FAM3D: variants seen among roughly 807,000 people sequenced by gnomAD.
The protein encoded by FAM3D is protein FAM3D.
FAM3D carries 26 observed loss-of-function variants against 29.8 expected under a neutral mutation model. The observed-to-expected ratio is 0.87, with a 90% CI of 0.64 to 1.21. The LOEUF is 1.21. FAM3D is among the 50% of genes most tolerant of loss of function. The probability of loss-of-function intolerance (pLI) is 0.00; values close to 1 mark genes in which losing one functional copy is unlikely to be tolerated. For missense variants in FAM3D, 253 were observed against 290.9 expected, an observed-to-expected ratio of 0.87 and a Z score of 0.95; for synonymous variants, 115 against 102.3, an observed-to-expected ratio of 1.12 and a Z score of -0.75.
At position 58,657,148 on chromosome 3, in the gene FAM3D, T is replaced by C. The variant is rs528329942; in HGVS notation, c.-38-1547A>G. 1.2e-4 allele frequency among the ~76,000 whole-genome samples: 19 copies of C among 152,266 alleles called. No individual in the cohort carries two copies. In the South Asian group the frequency reaches 3.7e-3, roughly 30 times the overall value. ...TCACGACTACGCTTTGGATGCGACCTACAGTCCAGGAACCTAGGTTCTTGG... is the reference window on the plus strand; with the variant it reads ...TCACGACTACGCTTTGGATGCGACCCACAGTCCAGGAACCTAGGTTCTTGG... On this transcript the variant is annotated intron_variant, in intron 1 of 9. Coordinates refer to ENST00000358781, the MANE Select transcript of FAM3D (RefSeq NM_138805.3).
At chr3:58,643,546 G>C in intron 6 of FAM3D, 116 bp downstream of exon 6, 2 of 1,121,466 alleles carry the variant, frequency 1.8e-6, no homozygotes, top group Non-Finnish European at 2.7e-6. Flanking sequence ...TGAGCTCTAC[G>C]GGCATTCCTG....
chr3:58,663,300 T>C (rs1477959683), intron 1 of FAM3D, among the ~76,000 whole-genome samples: 1 of 152,166 alleles, frequency 6.6e-6, no homozygotes, highest in Admixed American at 6.5e-5. Flanking sequence ...TATGTATATC[T>C]TTGCCACCAC....
chr3:58,652,862 GTCCATCCA>G (rs745543889), intron 3 of FAM3D, among the ~76,000 whole-genome samples: 46 of 145,924 alleles, frequency 3.2e-4, no homozygotes, highest in East Asian at 2.9e-3. Context: ...CCATCCATCT[GTCCATCCA>G]TCCATCCATC....
rs1234051839 is a variant in FAM3D, at chr3:58,654,651, C to T, written c.14-870G>A. Among the ~76,000 whole-genome samples the T allele has an allele frequency of 4.6e-5, 7 of 152,172 alleles. No homozygotes were observed. The East Asian group carries it at 1.2e-3, about 25-fold the overall frequency. The stretch of plus-strand genomic sequence containing the variant: ...TCTGCTCTGACTCTTGAGGCACAGG[C>T]CCAGCTGTGGCACCCCTCCCTCTGA... On this transcript the variant is annotated intron_variant, in intron 2 of 9. Transcript: ENST00000358781.
chr3:58,659,986 G>T (rs527812854), intron 1 of FAM3D, among the ~76,000 whole-genome samples: 25 of 152,286 alleles, frequency 1.6e-4, no homozygotes, highest in African/African-American at 6.0e-4. Flanking sequence ...TTCCTCTTCA[G>T]GCTCCTTTCT....
chr3:58,637,647 C>G (rs959354219), intron 7 of FAM3D, among the ~76,000 whole-genome samples: 1 of 152,086 alleles, frequency 6.6e-6, no homozygotes, highest in Non-Finnish European at 1.5e-5. Flanking sequence ...TCTGTGCTGA[C>G]TTTAGGTGGT....
chr3:58,647,760 T>C (rs2106826246), intron 4 of FAM3D, among the ~76,000 whole-genome samples: 1 of 152,302 alleles, frequency 6.6e-6, no homozygotes, highest in South Asian at 2.1e-4. Context: ...CCTCAATCCC[T>C]GAGGCCCAAC....
intron 6 of FAM3D, among the ~76,000 whole-genome samples, 174 bp downstream of exon 6, chr3:58,643,488 G>A (rs898386207): frequency 2.0e-5 from 3 of 152,216 alleles, no homozygotes; most frequent in East Asian, 1.9e-4. Flanking sequence ...ACAGCTCTGC[G>A]GGTCTTTGAG....
intron 7 of FAM3D, 96 bp downstream of exon 7, chr3:58,640,031 G>A (rs1471773014): frequency 7.4e-7 from 1 of 1,348,740 alleles, no homozygotes; most frequent in East Asian, 2.3e-5. Context: ...AGAAGCACCA[G>A]GTACCTCGAG....
chr3:58,653,827 A>G (rs769843494), intron 2 of FAM3D, 46 bp from the exon 3 acceptor site: 16 of 1,424,910 alleles, frequency 1.1e-5, no homozygotes, highest in Non-Finnish European at 1.2e-5. Context: ...AGCCAAGACC[A>G]CATTGCAAGA....
chr3:58,646,660 C>T (rs531594818), intron 4 of FAM3D, among the ~76,000 whole-genome samples: 1 of 152,372 alleles, frequency 6.6e-6, no homozygotes, highest in South Asian at 2.1e-4. Context: ...CTTTCCCTCC[C>T]CAGCCCCTGT....
intron 4 of FAM3D, among the ~76,000 whole-genome samples, chr3:58,649,013 G>GGGGGCA (rs2066552289): frequency 2.0e-5 from 3 of 152,218 alleles, no homozygotes; most frequent in African/African-American, 7.2e-5. Context: ...GTCAGAGACA[G>GGGGGCA]GGGGCAGGGG....
intron 3 of FAM3D, 38 bp from the exon 4 acceptor site, chr3:58,649,376 T>C (rs756181360): frequency 6.2e-7 from 1 of 1,613,544 alleles, no homozygotes; most frequent in South Asian, 1.1e-5. Flanking sequence ...GGAAAAGCAC[T>C]TCGGACCCTC....
chr3:58,653,617 T>C lies in FAM3D; in HGVS notation c.121+57A>G, dbSNP rs2066708307. The C allele has an allele frequency of 5.3e-6, 8 of 1,502,582 alleles. No homozygotes were observed. In the African/African-American group the frequency reaches 5.5e-5, roughly 10 times the overall value. The allele number at this position is 1,502,582 out of a possible 1,614,324, so 93.1% of individuals were successfully genotyped here. On this transcript the variant is annotated intron_variant, in intron 3 of 9. Transcript: ENST00000358781. The stretch of plus-strand genomic sequence containing the variant: ...ACCTAGGGATGGAGGGAAGAATATG[T>C]CTTCGGCCCCCAGGCCTGGTCTGCA...
At chr3:58,642,983 A>C (rs2066375792) in intron 6 of FAM3D, among the ~76,000 whole-genome samples, 1 of 152,076 alleles carries the variant, frequency 6.6e-6, no homozygotes, top group Non-Finnish European at 1.5e-5. Flanking sequence ...GCCTGGAAAG[A>C]GCCTTCCCCA....
chr3:58,657,238 C>A (rs1482765567), intron 1 of FAM3D, among the ~76,000 whole-genome samples: 1 of 151,742 alleles, frequency 6.6e-6, no homozygotes, highest in Non-Finnish European at 1.5e-5. Context: ...GGTGGCCGGA[C>A]AGGATGGAAG....
chr3:58,652,444 T>C (rs1215716033), intron 3 of FAM3D, among the ~76,000 whole-genome samples: 1 of 148,928 alleles, frequency 6.7e-6, no homozygotes, highest in Non-Finnish European at 1.5e-5. Context: ...CATCCACCCA[T>C]CCATCTACTC....
intron 1 of FAM3D, among the ~76,000 whole-genome samples, chr3:58,664,598 T>C (rs892993520): frequency 6.6e-6 from 1 of 152,230 alleles, no homozygotes; most frequent in East Asian, 1.9e-4. Context: ...ACCGTCCTCA[T>C]TCTTTTGAGA....
At chr3:58,642,422 C>T (rs1223783898) in intron 6 of FAM3D, among the ~76,000 whole-genome samples, 1 of 152,202 alleles carries the variant, frequency 6.6e-6, no homozygotes, top group African/African-American at 2.4e-5. Flanking sequence ...TCATGTGGTC[C>T]TGCCACACAC....
Sources: allele counts gnomAD v4.1 joint callset (sites outside exome capture counted in the v4.1 genomes callset), GRCh38; gene constraint gnomAD v4.1.1; transcripts MANE v1.5; gene names NCBI Gene and HGNC (gene_info 2026-07-23, HGNC 2026-07-21).